EPHA6: variants seen among roughly 807,000 people sequenced by gnomAD.
EPHA6 encodes ephrin type-A receptor 6.
In EPHA6, 50 loss-of-function variants were observed where a neutral mutation model predicts 112.0. The ratio of observed to expected loss-of-function variants is 0.45; its 90% CI spans 0.36 to 0.56. The LOEUF (loss-of-function observed/expected upper bound fraction) is 0.56. Ranked by LOEUF, EPHA6 falls within the 20% of genes least tolerant of loss-of-function variation. The probability of loss-of-function intolerance (pLI) is 0.00; values close to 1 mark genes in which losing one functional copy is unlikely to be tolerated. For missense variants in EPHA6, 1,280 were observed against 1,417.4 expected (o/e 0.90, Z 1.56); for synonymous variants, 529 against 490.7 (o/e 1.08, Z -1.03).
chr3:97,716,254 T>C (rs1490979508), intron 14 of EPHA6, among the ~76,000 whole-genome samples: 3 of 152,114 alleles, frequency 2.0e-5, no homozygotes, highest in African/African-American at 7.2e-5. Flanking sequence ...TTTAAGTTGA[T>C]CCATTCAATT....
chr3:97,093,755 G>C (rs191627270), intron 3 of EPHA6, among the ~76,000 whole-genome samples: 149 of 152,138 alleles, frequency 9.8e-4, no homozygotes, highest in African/African-American at 3.4e-3. Context: ...TCTCTTTAGG[G>C]TGATGTAATA....
At position 96,912,128 on chromosome 3, in the gene EPHA6, C is replaced by A. The variant is rs2039248800; in HGVS notation, c.450+45239C>A. On this transcript the variant is annotated intron_variant, in intron 2 of 17. Transcript: ENST00000389672. The stretch of plus-strand genomic sequence containing the variant: ...TCTGTTCGTTTTAAATTTGCCCTTA[C>A]TGTCTGTCAGTTTACAGCATTACAA... Among the ~76,000 whole-genome samples the A allele has an allele frequency of 2.0e-5, 3 of 152,118 alleles. No homozygotes were observed. In the South Asian group the frequency reaches 6.2e-4, roughly 31 times the overall value.
chr3:96,978,871 C>A (rs1282629333), intron 2 of EPHA6, among the ~76,000 whole-genome samples: 1 of 152,108 alleles, frequency 6.6e-6, no homozygotes. Context: ...CTGAACATCT[C>A]CGCAACTGAA....
intron 3 of EPHA6, among the ~76,000 whole-genome samples, chr3:97,173,330 G>A (rs7629000): frequency 0.093 from 14,181 of 151,812 alleles, 1,064 homozygotes; most frequent in Admixed American, 0.22. Context: ...TAGTGGAAAT[G>A]TCTGTTCATA....
chr3:96,957,850 TA>T (rs1308982701), intron 2 of EPHA6, among the ~76,000 whole-genome samples: 1 of 152,240 alleles, frequency 6.6e-6, no homozygotes, highest in African/African-American at 2.4e-5. Flanking sequence ...TATTACATTT[TA>T]TTTATGCATT....
intron 13 of EPHA6, among the ~76,000 whole-genome samples, chr3:97,626,141 C>T (rs888882868): frequency 6.6e-6 from 1 of 151,330 alleles, no homozygotes; most frequent in Non-Finnish European, 1.5e-5. Context: ...TTTTTAAGGC[C>T]CCAGCAGGTG....
At chr3:97,027,507 A>G (rs2044683125) in intron 3 of EPHA6, among the ~76,000 whole-genome samples, 2 of 152,202 alleles carry the variant, frequency 1.3e-5, no homozygotes, top group Admixed American at 6.5e-5. Flanking sequence ...CCAAGGGAAA[A>G]AAAGGAAACA....
chr3:97,321,986 C>T (rs2082143696), intron 5 of EPHA6, among the ~76,000 whole-genome samples: 1 of 152,030 alleles, frequency 6.6e-6, no homozygotes, highest in African/African-American at 2.4e-5. Context: ...TGTGACTACA[C>T]AGGTTTCATG....
At chr3:96,892,978 GTGTT>G (rs1249830526) in intron 2 of EPHA6, among the ~76,000 whole-genome samples, 18 of 151,076 alleles carry the variant, frequency 1.2e-4, no homozygotes, top group Non-Finnish European at 2.5e-4. Context: ...GTGTGTGTGT[GTGTT>G]CGTGTGTGTG....
intron 2 of EPHA6, among the ~76,000 whole-genome samples, chr3:96,898,873 C>A (rs960527338): frequency 1.3e-5 from 2 of 151,466 alleles, no homozygotes; most frequent in Non-Finnish European, 2.9e-5. Flanking sequence ...ACTAAAAATA[C>A]AAAAATTAGC....
intron 11 of EPHA6, among the ~76,000 whole-genome samples, chr3:97,556,463 T>C (rs1298645564): frequency 2.0e-5 from 3 of 151,958 alleles, no homozygotes; most frequent in African/African-American, 4.8e-5. Flanking sequence ...AGCATGTCCT[T>C]CTTCACATGG....
chr3:97,742,858 G>C (rs1376450981), intron 16 of EPHA6, among the ~76,000 whole-genome samples: 5 of 152,062 alleles, frequency 3.3e-5, no homozygotes, highest in Non-Finnish European at 5.9e-5. Flanking sequence ...TCTTCCAAGG[G>C]TATGTACATA....
intron 14 of EPHA6, among the ~76,000 whole-genome samples, chr3:97,645,014 T>C (rs1464237706): frequency 6.6e-6 from 1 of 151,978 alleles, no homozygotes; most frequent in Non-Finnish European, 1.5e-5. Context: ...ATATCCTTGA[T>C]GAACATTGAT....
chr3:97,353,044 C>A (rs1306936795), intron 5 of EPHA6, among the ~76,000 whole-genome samples: 1 of 152,052 alleles, frequency 6.6e-6, no homozygotes, highest in African/African-American at 2.4e-5. Context: ...ACATACTCTG[C>A]CAGAAGGAAT....
In EPHA6 at chr3:97,165,302, C is replaced by A. The variant is rs563253047; in HGVS notation, c.1115-60962C>A. 2.0e-5 allele frequency among the ~76,000 whole-genome samples: 3 copies of A among 152,168 alleles called. No homozygotes were observed. In the South Asian group the frequency reaches 6.2e-4, roughly 32 times the overall value. ...GCAACCTTTCTATTCTCTTAAATTCCACTTCAGGGACTTGTAACATATATA... is the reference window on the plus strand; with the variant it reads ...GCAACCTTTCTATTCTCTTAAATTCAACTTCAGGGACTTGTAACATATATA... On this transcript the variant is annotated intron_variant, in intron 3 of 17. Coordinates refer to ENST00000389672, the MANE Select transcript of EPHA6 (RefSeq NM_001080448.3).
chr3:97,307,630 G>T (rs1285487812), intron 5 of EPHA6, among the ~76,000 whole-genome samples: 7 of 149,424 alleles, frequency 4.7e-5, no homozygotes, highest in Non-Finnish European at 7.4e-5. Flanking sequence ...TTCTTTAAAG[G>T]TGATGTCTAC....
intron 14 of EPHA6, among the ~76,000 whole-genome samples, chr3:97,711,841 G>A (rs1352871131): frequency 6.6e-6 from 1 of 152,070 alleles, no homozygotes; most frequent in Non-Finnish European, 1.5e-5. Flanking sequence ...TCATCCCTCA[G>A]GCCAGTCAAG....
chr3:97,222,966 TCA>T (rs1430065903), intron 3 of EPHA6, among the ~76,000 whole-genome samples: 2 of 152,144 alleles, frequency 1.3e-5, no homozygotes, highest in Non-Finnish European at 2.9e-5. Flanking sequence ...GATAAGTGAA[TCA>T]CAGAGTCATC....
intron 3 of EPHA6, among the ~76,000 whole-genome samples, chr3:97,169,677 G>T (rs116732547): frequency 6.6e-6 from 1 of 152,152 alleles, no homozygotes; most frequent in South Asian, 2.1e-4. Flanking sequence ...GTAGTGCTTC[G>T]TAAAATGCAG....
Sources: allele counts gnomAD v4.1 joint callset (sites outside exome capture counted in the v4.1 genomes callset), GRCh38; gene constraint gnomAD v4.1.1; transcripts MANE v1.5; gene names NCBI Gene and HGNC (gene_info 2026-07-23, HGNC 2026-07-21).